PRKG1: variants seen among roughly 807,000 people sequenced by gnomAD.
PRKG1 encodes protein kinase cGMP-dependent 1.
In PRKG1, 35 loss-of-function variants were observed where a neutral mutation model predicts 88.1. The ratio of observed to expected loss-of-function variants is 0.40; its 90% CI spans 0.30 to 0.53. PRKG1 has a LOEUF of 0.53. Among genes scored for constraint, PRKG1 ranks in the 20% least tolerant of loss-of-function variants. The pLI is 0.59. For synonymous variants in PRKG1, 303 were observed against 292.5 expected, an observed-to-expected ratio of 1.04 and a Z score of -0.37; for missense variants, 540 against 839.8, an observed-to-expected ratio of 0.64 and a Z score of 4.41.
In PRKG1 at chr10:52,296,317, CTG is replaced by C. The variant is rs1231953780; in HGVS notation, c.*2419_*2420del. ...AAGAAGTAGCATTCAGCACAAGAAA[CTG>C]TAGATTGTTTCTCCCACTTGTTACT... On this transcript the variant is annotated 3_prime_UTR_variant, in exon 18 of 18. Coordinates refer to ENST00000373980, the MANE Select transcript of PRKG1 (RefSeq NM_006258.4). 1.3e-5 allele frequency: 2 copies of C among 152,034 alleles called. No homozygotes were observed. Among genetic ancestry groups the C allele is most frequent in the African/African-American group, 2.4e-5 (1 of 41,456 alleles). The allele number at this position is 152,034 out of a possible 1,614,324, so 9.4% of individuals were successfully genotyped here.
intron 5 of PRKG1, among the ~76,000 whole-genome samples, chr10:51,911,951 A>G (rs1182846094): frequency 1.3e-5 from 2 of 152,202 alleles, no homozygotes; most frequent in Non-Finnish European, 2.9e-5. Context: ...TGTGCCAGGA[A>G]TTGTTTCAGG....
At chr10:51,748,689 A>G (rs909665332) in intron 3 of PRKG1, among the ~76,000 whole-genome samples, 6 of 152,208 alleles carry the variant, frequency 3.9e-5, no homozygotes, top group South Asian at 2.1e-4. Context: ...AAATAATGCT[A>G]CAAATCTTTT....
At chr10:51,017,585 C>T (rs1369280371) in intron 1 of PRKG1, among the ~76,000 whole-genome samples, 3 of 152,054 alleles carry the variant, frequency 2.0e-5, no homozygotes, top group Non-Finnish European at 4.4e-5. Context: ...AAAGAGTTTA[C>T]CTTCTAGTCC....
At chr10:51,419,487 C>A (rs1239733640) in intron 2 of PRKG1, among the ~76,000 whole-genome samples, 1 of 152,088 alleles carries the variant, frequency 6.6e-6, no homozygotes, top group African/African-American at 2.4e-5. Context: ...GGGATTGGGG[C>A]TAATCAATTT....
Position 51,869,173 on chromosome 10 carries a change from A to G in PRKG1, c.699-38334A>G, listed in dbSNP as rs185619964. On this transcript the variant is annotated intron_variant, in intron 4 of 17. Transcript: ENST00000373980. Reference sequence around the variant, plus strand: ...ATTGCGATTGCACCTTTCTTAGTTTAGTTTTTTCTTTGCTTGAGAAAATTG... The same window carrying G: ...ATTGCGATTGCACCTTTCTTAGTTTGGTTTTTTCTTTGCTTGAGAAAATTG... 1.7e-3 allele frequency among the ~76,000 whole-genome samples: 263 copies of G among 152,236 alleles called. 1 individual carries two copies. Among genetic ancestry groups the G allele is most frequent in the Non-Finnish European group, 1.8e-3 (124 of 68,006 alleles).
At chr10:52,070,183 C>T (rs1846461126) in intron 7 of PRKG1, among the ~76,000 whole-genome samples, 1 of 152,146 alleles carries the variant, frequency 6.6e-6, no homozygotes, top group Non-Finnish European at 1.5e-5. Flanking sequence ...TTACAAATTC[C>T]TTTGCCCACT....
intron 3 of PRKG1, among the ~76,000 whole-genome samples, chr10:51,753,182 G>A (rs1033232808): frequency 6.6e-6 from 1 of 151,788 alleles, no homozygotes; most frequent in Non-Finnish European, 1.5e-5. Context: ...CTTTTTTTTA[G>A]TTCATTGCTT....
intron 2 of PRKG1, among the ~76,000 whole-genome samples, chr10:51,422,961 GT>G (rs57764048): frequency 0.012 from 1,810 of 146,108 alleles, 21 homozygotes; most frequent in African/African-American, 0.032. Context: ...ATTGAAATAG[GT>G]TTTTTTTTTT....
chr10:51,184,433 T>C (rs536073965), intron 2 of PRKG1, among the ~76,000 whole-genome samples: 1 of 152,266 alleles, frequency 6.6e-6, no homozygotes, highest in East Asian at 1.9e-4. Context: ...TGTAAATTTA[T>C]ACATCAATCA....
rs141496757 is a variant in PRKG1, at chr10:51,141,289, C to G, written c.312-11875C>G. On this transcript the variant is annotated intron_variant, in intron 1 of 17. Transcript: ENST00000373980. ...GCATTTACTTTTTGTACTCAACCTC[C>G]TTGGCTTCACGGCCTGCCTAAACTT... 1.8e-3 allele frequency among the ~76,000 whole-genome samples: 268 copies of G among 152,296 alleles called. 1 individual carries two copies. The highest frequency in any genetic ancestry group is 6.3e-3 in the African/African-American group (260 of 41,566).
intron 2 of PRKG1, among the ~76,000 whole-genome samples, chr10:51,347,445 C>CT (rs1842137955): frequency 6.6e-6 from 1 of 152,090 alleles, no homozygotes; most frequent in Non-Finnish European, 1.5e-5. Context: ...ACTCTTGATA[C>CT]TTTTATATAA....
intron 7 of PRKG1, among the ~76,000 whole-genome samples, chr10:52,096,747 A>G (rs1847182291): frequency 6.6e-6 from 1 of 152,162 alleles, no homozygotes; most frequent in Admixed American, 6.5e-5. Flanking sequence ...TAATACACAT[A>G]TAATTTTTTG....
intron 2 of PRKG1, among the ~76,000 whole-genome samples, chr10:51,255,221 G>A (rs1222158730): frequency 1.3e-5 from 2 of 152,008 alleles, no homozygotes; most frequent in Non-Finnish European, 2.9e-5. Context: ...GAAGAGCTGG[G>A]AATTACCTCA....
chr10:51,921,610 T>C (rs1842464957), intron 5 of PRKG1, among the ~76,000 whole-genome samples: 1 of 152,060 alleles, frequency 6.6e-6, no homozygotes, highest in South Asian at 2.1e-4. Flanking sequence ...TTATGAAGAG[T>C]GTTTATCATA....
chr10:52,032,944 G>A (rs1845507063), intron 5 of PRKG1, among the ~76,000 whole-genome samples: 1 of 152,194 alleles, frequency 6.6e-6, no homozygotes, highest in Non-Finnish European at 1.5e-5. Context: ...GAAGGCAGCA[G>A]TATGGAAGGA....
chr10:51,340,426 TAA>T (rs1326056039), intron 2 of PRKG1, among the ~76,000 whole-genome samples: 4 of 152,196 alleles, frequency 2.6e-5, no homozygotes, highest in Non-Finnish European at 5.9e-5. Flanking sequence ...TAATCTATGT[TAA>T]GATTGTATTT....
chr10:52,223,141 C>A (rs1483108277), intron 9 of PRKG1, among the ~76,000 whole-genome samples: 1 of 152,112 alleles, frequency 6.6e-6, no homozygotes, highest in East Asian at 1.9e-4. Context: ...CACTTTATCT[C>A]CATATCCCTG....
At chr10:52,074,021 T>C (rs1846569199) in intron 7 of PRKG1, among the ~76,000 whole-genome samples, 2 of 144,666 alleles carry the variant, frequency 1.4e-5, no homozygotes, top group East Asian at 3.9e-4. Context: ...CAGTTAGTTG[T>C]ACAAAAAAAT....
chr10:51,275,036 T>C (rs1244960808), intron 2 of PRKG1, among the ~76,000 whole-genome samples: 1 of 152,196 alleles, frequency 6.6e-6, no homozygotes, highest in Admixed American at 6.5e-5. Flanking sequence ...GGCCTTAAAG[T>C]GCCGTGAATG....
Sources: allele counts gnomAD v4.1 joint callset (sites outside exome capture counted in the v4.1 genomes callset), GRCh38; gene constraint gnomAD v4.1.1; transcripts MANE v1.5; gene names NCBI Gene and HGNC (gene_info 2026-07-23, HGNC 2026-07-21).